The following EFHB variants were observed in gnomAD, a reference collection of about 807,000 sequenced individuals.
EFHB encodes the protein EF-hand domain family member B, also known as EF-hand domain-containing family member B.
A neutral mutation model predicts 87.2 loss-of-function variants in EFHB; 91 were observed. The observed-to-expected ratio is 1.04, with a 90% CI of 0.88 to 1.24. EFHB has a LOEUF of 1.24. Ranked by LOEUF, EFHB falls within the 50% of genes most tolerant of loss-of-function variation. EFHB has a pLI of 0.00. For missense variants in EFHB, 1,084 were observed against 998.8 expected, an observed-to-expected ratio of 1.09 and a Z score of -1.15; for synonymous variants, 325 against 333.6, an observed-to-expected ratio of 0.97 and a Z score of 0.28.
At position 19,918,231 on chromosome 3, in the gene EFHB, C is replaced by A; in HGVS notation, c.1177+1G>T. 2 of 1,565,272 alleles carry A rather than the reference C, an allele frequency of 1.3e-6. No individual in the cohort carries two copies. Among genetic ancestry groups the A allele is most frequent in the Non-Finnish European group, 1.7e-6 (2 of 1,161,874 alleles). On this transcript the variant is annotated splice_donor_variant, in intron 4 of 12. Transcript: ENST00000295824. LOFTEE classifies it high-confidence loss of function. ...CCACCCCTTATTTTTTTTTTTACTACCTTTGATGACTGCTGTCCCAAATGT... is the reference window on the plus strand; with the variant it reads ...CCACCCCTTATTTTTTTTTTTACTAACTTTGATGACTGCTGTCCCAAATGT...
chr3:19,882,055 A>ATAAATAAT (rs147948986), intron 12 of EFHB, among the ~76,000 whole-genome samples: 1,997 of 140,146 alleles, frequency 0.014, 17 homozygotes, highest in Non-Finnish European at 0.015. Flanking sequence ...AAATAAATAA[A>ATAAATAAT]TAAATAATTA....
chr3:19,904,821 G>A (rs761261262), intron 6 of EFHB, among the ~76,000 whole-genome samples: 9 of 152,020 alleles, frequency 5.9e-5, no homozygotes, highest in Non-Finnish European at 5.9e-5. Context: ...AGGGCGGGGC[G>A]GCACCAGTAT....
rs747162397 is a variant in EFHB, at chr3:19,933,421, C to T, written c.598G>A (p.Glu200Lys). 19 of 1,613,864 alleles carry T rather than the reference C, an allele frequency of 1.2e-5. No homozygotes were observed. In the East Asian group the frequency reaches 3.1e-4, roughly 26 times the overall value. The change falls in exon 1 of 13, where the codon GAG (glutamate) becomes AAG (lysine). Residue 200 changes from glutamate to lysine, a missense_variant. Transcript: ENST00000295824. Reference sequence around the variant, plus strand: ...GTATTCTTAGTCTCATCTGGCCCCTCGGCTTGGGTTAGTCCAATGTCCACC... The same window carrying T: ...GTATTCTTAGTCTCATCTGGCCCCTTGGCTTGGGTTAGTCCAATGTCCACC... ...VEVDIGLTQA[E>K]GPDETKNTEP...
intron 9 of EFHB, chr3:19,896,412 C>T: frequency 2.1e-6 from 1 of 466,020 alleles, no homozygotes; most frequent in South Asian, 2.1e-5. Flanking sequence ...CAGCAAATGT[C>T]TTCTGTTAAG....
At chr3:19,901,579 G>GA (rs980605324) in intron 6 of EFHB, among the ~76,000 whole-genome samples, 3 of 152,072 alleles carry the variant, frequency 2.0e-5, no homozygotes, top group South Asian at 2.1e-4. Flanking sequence ...TGGCGGGGGG[G>GA]AAGAATGTAG....
In EFHB at chr3:19,918,298, G is replaced by C. The variant is rs752307003; in HGVS notation, c.1111C>G (p.Gln371Glu). The C allele has an allele frequency of 6.8e-6, 11 of 1,613,228 alleles. No individual in the cohort carries two copies. The highest frequency in any genetic ancestry group is 9.3e-6 in the Non-Finnish European group (11 of 1,179,758). ...RRAPLGKSHD[Q>E]APGLPKGMDT... The stretch of plus-strand genomic sequence containing the variant: ...ATGCCTTTTGGTAATCCTGGTGCTT[G>C]ATCGTGAGATTTTCCTAATGGTGCT... Residue 371 changes from glutamine (Q) to glutamate (E), a missense_variant, in exon 4 of 13, where the codon CAA becomes GAA. Physicochemically the swap from Gln to Glu is conservative, Grantham distance 29. Transcript: ENST00000295824.
intron 9 of EFHB, among the ~76,000 whole-genome samples, chr3:19,890,297 C>T (rs1281312946): frequency 2.6e-5 from 4 of 152,140 alleles, no homozygotes; most frequent in Non-Finnish European, 4.4e-5. Flanking sequence ...TGATCTCATC[C>T]GCTTTAGGGA....
chr3:19,882,453 G>A, intron 12 of EFHB, 97 bp downstream of exon 12: 1 of 1,181,570 alleles, frequency 8.5e-7, no homozygotes, highest in Non-Finnish European at 1.1e-6. Context: ...GGATCCTGTA[G>A]ACTTTTGTAA....
At chr3:19,939,483 C>T (rs1696104545) in intron 1 of EFHB, among the ~76,000 whole-genome samples, 2 of 144,774 alleles carry the variant, frequency 1.4e-5, no homozygotes, top group African/African-American at 5.1e-5. Flanking sequence ...CTCCCGGGTT[C>T]ACGCCATTCT....
intron 4 of EFHB, 122 bp from the exon 5 acceptor site, chr3:19,915,535 G>T: frequency 1.6e-6 from 1 of 617,946 alleles, no homozygotes; most frequent in Non-Finnish European, 2.8e-6. Context: ...TAGACATCCC[G>T]AGAGATCACA....
chr3:19,946,024 T>C (rs1696269928), intron 1 of EFHB: 1 of 152,180 alleles, frequency 6.6e-6, no homozygotes, highest in Admixed American at 6.5e-5. Context: ...GAGGGGGTGG[T>C]GGCTGAAGCC....
chr3:19,896,126 T>C (rs1168868757), intron 9 of EFHB, among the ~76,000 whole-genome samples: 2 of 152,182 alleles, frequency 1.3e-5, no homozygotes, highest in Non-Finnish European at 2.9e-5. Context: ...GATTTAGGTG[T>C]AGATTGTCAA....
chr3:19,920,593 C>T, intron 1 of EFHB, 26 bp from the exon 2 acceptor site: 1 of 1,572,948 alleles, frequency 6.4e-7, no homozygotes, highest in Non-Finnish European at 8.6e-7. Context: ...ATGGGTTGAT[C>T]ATTGCCAGGG....
intron 1 of EFHB, chr3:19,942,961 C>A: frequency 4.3e-6 from 1 of 233,566 alleles, no homozygotes; most frequent in South Asian, 6.0e-5. Context: ...GGACACCTTT[C>A]TGGACAGAAG....
intron 1 of EFHB, among the ~76,000 whole-genome samples, chr3:19,945,556 T>C (rs1217556770): frequency 6.6e-6 from 1 of 152,160 alleles, no homozygotes; most frequent in Non-Finnish European, 1.5e-5. Flanking sequence ...AGGATGTTAA[T>C]GCCAGTCTCT....
intron 1 of EFHB, among the ~76,000 whole-genome samples, chr3:19,923,986 C>G (rs992516418): frequency 6.6e-6 from 1 of 152,082 alleles, no homozygotes; most frequent in Non-Finnish European, 1.5e-5. Context: ...CATCCCAGCA[C>G]TTTGGGAGGC....
chr3:19,938,195 G>A (rs1005960617), upstream of EFHB, among the ~76,000 whole-genome samples: 13 of 152,230 alleles, frequency 8.5e-5, no homozygotes, highest in Admixed American at 1.3e-4. Context: ...GGCTGTGATT[G>A]ACTGGGAAAG....
chr3:19,923,043 G>A (rs773962445), intron 1 of EFHB, among the ~76,000 whole-genome samples: 3 of 152,026 alleles, frequency 2.0e-5, no homozygotes, highest in Non-Finnish European at 2.9e-5. Flanking sequence ...AAAGGCGGGC[G>A]GATCACAAGG....
chr3:19,899,614 T>G, intron 6 of EFHB, 99 bp from the exon 7 acceptor site: 13 of 702,330 alleles, frequency 1.9e-5, no homozygotes, highest in Non-Finnish European at 2.8e-5. Context: ...CATTAGGCCT[T>G]CCAGGAACAA....
Sources: allele counts gnomAD v4.1 joint callset (sites outside exome capture counted in the v4.1 genomes callset), GRCh38; gene constraint gnomAD v4.1.1; transcripts MANE v1.5; gene names NCBI Gene and HGNC (gene_info 2026-07-23, HGNC 2026-07-21).